The following SLC4A8 variants were observed in gnomAD, a reference collection of about 807,000 sequenced individuals.
The protein encoded by SLC4A8 is solute carrier family 4 member 8.
SLC4A8 carries 40 observed loss-of-function variants against 125.0 expected under a neutral mutation model. That is an observed-to-expected ratio of 0.32 (90% confidence interval 0.25 to 0.42). The LOEUF is 0.42. Ranked by LOEUF, SLC4A8 falls within the 10% of genes least tolerant of loss-of-function variation. SLC4A8 has a pLI of 1.00. For synonymous variants in SLC4A8, 456 were observed against 476.0 expected, an observed-to-expected ratio of 0.96 and a Z score of 0.55; for missense variants, 863 against 1,355.1, an observed-to-expected ratio of 0.64 and a Z score of 5.70.
At chr12:51,394,694 G>C (rs1384499004) in intron 1 of SLC4A8, among the ~76,000 whole-genome samples, 2 of 152,162 alleles carry the variant, frequency 1.3e-5, no homozygotes, top group Non-Finnish European at 2.9e-5. Flanking sequence ...CTTGAGGGTG[G>C]AGGGTGGGAA....
At chr12:51,461,627 T>G (rs1481122556) in intron 9 of SLC4A8, 1 of 220,572 alleles carries the variant, frequency 4.5e-6, no homozygotes, top group Non-Finnish European at 9.1e-6. Context: ...TTCAAGCTAT[T>G]TACATAAAGA....
intron 8 of SLC4A8, among the ~76,000 whole-genome samples, chr12:51,460,797 A>G (rs900829384): frequency 1.3e-5 from 2 of 151,772 alleles, no homozygotes; most frequent in African/African-American, 4.8e-5. Context: ...ACACATTTAG[A>G]CTCCTCTGTA....
upstream of SLC4A8, among the ~76,000 whole-genome samples, chr12:51,423,329 A>AG (rs1441449048): frequency 2.0e-5 from 3 of 152,230 alleles, no homozygotes; most frequent in Non-Finnish European, 2.9e-5. Flanking sequence ...AGAATAAAGA[A>AG]AGGCTTCTTG....
chr12:51,425,904 G>C (rs905951996), intron 1 of SLC4A8, among the ~76,000 whole-genome samples: 5 of 152,226 alleles, frequency 3.3e-5, no homozygotes, highest in African/African-American at 9.6e-5. Flanking sequence ...AAAGGGCTTT[G>C]TGGAGTAATG....
At chr12:51,465,633 A>AAGCTCTGGGCTCAGAGCTT (rs1339404221) in intron 11 of SLC4A8, among the ~76,000 whole-genome samples, 2 of 152,212 alleles carry the variant, frequency 1.3e-5, no homozygotes, top group Non-Finnish European at 2.9e-5. Flanking sequence ...AGCTAAAAGG[A>AAGCTCTGGGCTCAGAGCTT]AGCTCTGGGC....
In SLC4A8 at chr12:51,510,616, A is replaced by C. The variant is rs924387295; in HGVS notation, c.*3178A>C. On this transcript the variant is annotated 3_prime_UTR_variant, in exon 25 of 25. Coordinates refer to ENST00000453097, the MANE Select transcript of SLC4A8 (RefSeq NM_001039960.3). ...CTTGCCGTCTGTAAGATGCAAGATC[A>C]ATCTAGTGTTTCAGCCAGTTCACTA... The C allele has an allele frequency of 6.6e-6, 1 of 152,182 alleles. No homozygotes were observed. Among genetic ancestry groups the C allele is most frequent in the African/African-American group, 2.4e-5 (1 of 41,444 alleles). 9.4% of individuals were successfully genotyped at this position (152,182 alleles called of 1,614,324 possible).
intron 1 of SLC4A8, chr12:51,425,329 C>T (rs1016290619): frequency 7.6e-5 from 94 of 1,238,270 alleles, no homozygotes; most frequent in Non-Finnish European, 9.0e-5. Context: ...GTTCTCCTCG[C>T]GTCTTTCTGT....
intron 22 of SLC4A8, among the ~76,000 whole-genome samples, chr12:51,500,343 C>T (rs987606257): frequency 6.6e-6 from 1 of 152,084 alleles, no homozygotes; most frequent in Non-Finnish European, 1.5e-5. Flanking sequence ...ACTTTTTCTC[C>T]ACCTCATAGC....
chr12:51,410,877 T>TTTTC (rs762125763), intron 1 of SLC4A8, among the ~76,000 whole-genome samples: 809 of 29,346 alleles, frequency 0.028, 1 homozygote, highest in African/African-American at 0.061. Flanking sequence ...TTTTCTTTTC[T>TTTTC]TTTTTTTTTT....
At chr12:51,492,964 G>A (rs1951356863) in intron 19 of SLC4A8, among the ~76,000 whole-genome samples, 1 of 152,008 alleles carries the variant, frequency 6.6e-6, no homozygotes, top group Admixed American at 6.6e-5. Flanking sequence ...TCATGTGTTA[G>A]TTTGGAGGGA....
chr12:51,502,865 GTC>G (rs539962420), intron 22 of SLC4A8, among the ~76,000 whole-genome samples: 1,813 of 143,978 alleles, frequency 0.013, 52 homozygotes, highest in African/African-American at 0.045. Flanking sequence ...TTGAGATGGA[GTC>G]TCGCTCTGTC....
In SLC4A8 at chr12:51,442,857, A is replaced by G. The variant is rs572395457; in HGVS notation, c.130+2068A>G. Among the ~76,000 whole-genome samples the G allele has an allele frequency of 2.6e-5, 4 of 152,264 alleles. No individual in the cohort carries two copies. The East Asian group carries it at 5.8e-4, about 22-fold the overall frequency. ...CGAAGGGCAGCCCTAGGACTCAATGAGGCTGTACTCAGGGTAGTGTTATCT... is the reference window on the plus strand; with the variant it reads ...CGAAGGGCAGCCCTAGGACTCAATGGGGCTGTACTCAGGGTAGTGTTATCT... On this transcript the variant is annotated intron_variant, in intron 2 of 24. Coordinates refer to ENST00000453097, the MANE Select transcript of SLC4A8 (RefSeq NM_001039960.3).
At chr12:51,421,018 A>ATGTG (rs144594375), upstream of SLC4A8, among the ~76,000 whole-genome samples, 203 of 150,466 alleles carry the variant, frequency 1.3e-3, no homozygotes, top group South Asian at 0.017. Flanking sequence ...TATTGGTATG[A>ATGTG]TGTGTGTGTG....
chr12:51,457,156 A>G (rs1331428983), intron 5 of SLC4A8, among the ~76,000 whole-genome samples, 195 bp from the exon 6 acceptor site: 1 of 152,238 alleles, frequency 6.6e-6, no homozygotes, highest in Non-Finnish European at 1.5e-5. Flanking sequence ...AATTTGTTAC[A>G]TGAATAAAGT....
intron 23 of SLC4A8, among the ~76,000 whole-genome samples, chr12:51,504,851 T>C (rs1248009998): frequency 6.6e-6 from 1 of 152,168 alleles, no homozygotes; most frequent in Non-Finnish European, 1.5e-5. Context: ...ATTGGTCCAT[T>C]CATGGTTTTA....
At chr12:51,504,922 A>G (rs6580839) in intron 23 of SLC4A8, among the ~76,000 whole-genome samples, 57,063 of 152,038 alleles carry the variant, frequency 0.38, 11,039 homozygotes, top group East Asian at 0.45. Flanking sequence ...ACCTCTAGGT[A>G]CCATAAGCTG....
intron 11 of SLC4A8, chr12:51,467,375 T>C (rs573619925): frequency 6.6e-6 from 1 of 152,354 alleles, no homozygotes; most frequent in African/African-American, 2.4e-5. Context: ...ATTATGATGT[T>C]ACTGCTGTAA....
intron 11 of SLC4A8, among the ~76,000 whole-genome samples, chr12:51,468,439 G>A (rs1033502152): frequency 6.6e-6 from 1 of 152,178 alleles, no homozygotes; most frequent in African/African-American, 2.4e-5. Context: ...AACTTGACAT[G>A]CTATTAGGAT....
Position 51,469,732 on chromosome 12 carries a change from A to G in SLC4A8, c.1468A>G (p.Met490Val). 3 of 1,614,014 alleles carry G rather than the reference A, an allele frequency of 1.9e-6. No homozygotes were observed. Among genetic ancestry groups the G allele is most frequent in the Non-Finnish European group, 2.5e-6 (3 of 1,180,018 alleles). The change falls in exon 12 of 25, where the codon ATG (methionine) becomes GTG (valine). Residue 490 changes from methionine to valine, a missense_variant. Around this residue, in one of 6 missense-constraint regions of SLC4A8, gnomAD observed 390 missense variants for 634.4 expected, o/e 0.61. Transcript: ENST00000453097. ...CTTTCTGTTCCTGTACTGTGCCTGC[A>G]TGTCACCTGTCATCACCTTTGGGGG... ...ASFLFLYCAC[M>V]SPVITFGGLL...
Sources: allele counts gnomAD v4.1 joint callset (sites outside exome capture counted in the v4.1 genomes callset), GRCh38; gene constraint gnomAD v4.1.1; regional missense constraint gnomAD v4.1.1; transcripts MANE v1.5; gene names NCBI Gene and HGNC (gene_info 2026-07-23, HGNC 2026-07-21).